The following NHSL1 variants were observed in gnomAD, a reference collection of about 807,000 sequenced individuals.
NHSL1 encodes NHS like 1, also known as NHS-like protein 1.
NHSL1 carries 48 observed loss-of-function variants against 95.0 expected under a neutral mutation model. The ratio of observed to expected loss-of-function variants is 0.51; its 90% confidence interval spans 0.40 to 0.64. NHSL1 has a LOEUF of 0.64. Ranked by LOEUF, NHSL1 falls within the 30% of genes least tolerant of loss-of-function variation. The pLI, the probability that NHSL1 is intolerant of heterozygous loss-of-function variation, is 0.00. For synonymous variants in NHSL1, 783 were observed against 833.9 expected (o/e 0.94, Z 1.05); for missense variants, 1,971 against 2,077.7 (o/e 0.95, Z 1.00).
At chr6:138,581,878 G>C in intron 1 of NHSL1, among the ~76,000 whole-genome samples, 1 of 148,178 alleles carries the variant, frequency 6.7e-6, no homozygotes, top group East Asian at 2.0e-4. Context: ...ATTAGATTTT[G>C]AGGTTCTACT....
chr6:138,685,819 C>T (rs1381526975), intron 1 of NHSL1, among the ~76,000 whole-genome samples: 1 of 152,028 alleles, frequency 6.6e-6, no homozygotes, highest in Non-Finnish European at 1.5e-5. Context: ...GTTGTACTTA[C>T]AAATTCATCT....
rs71009589 is a variant in NHSL1 at position 138,478,012 on chromosome 6, C to CTTTTTTTTT, written c.212-4588_212-4580dup. ...TTTTTTCACCATGAAATTTATGTCA[C>CTTTTTTTTT]TTTTTTTTTTTTTTTTTTTTTTTTT... On this transcript the variant is annotated intron_variant, in intron 2 of 7. Transcript: ENST00000343505. Among the ~76,000 whole-genome samples, 100 of 30,016 alleles carry CTTTTTTTTT rather than the reference C, an allele frequency of 3.3e-3. 8 individuals are homozygous for CTTTTTTTTT. The highest frequency in any genetic ancestry group is 4.3e-3 in the Non-Finnish European group (74 of 17,202). 19.7% of individuals were successfully genotyped at this position (30,016 alleles called of 152,430 possible). A position where few individuals can be genotyped will look rare whatever the true frequency, so the allele number is the denominator to read the frequency against.
In NHSL1 at chr6:138,433,701, G is replaced by A. The variant is rs1442203488; in HGVS notation, c.665-21C>T. On this transcript the variant is annotated intron_variant, in intron 5 of 7. Transcript: ENST00000343505. ...TGATGCTGGAGATAAAGCAGAAAGAGGCTTGTTACCTGAAAATAAAATCCA... is the reference window on the plus strand; with the variant it reads ...TGATGCTGGAGATAAAGCAGAAAGAAGCTTGTTACCTGAAAATAAAATCCA... 6 of 1,494,354 alleles carry A rather than the reference G, an allele frequency of 4.0e-6. No homozygotes were observed. In the African/African-American group the frequency reaches 8.4e-5, roughly 21 times the overall value. 92.6% of individuals were successfully genotyped at this position (1,494,354 alleles called of 1,614,324 possible).
At chr6:138,446,935 A>G (rs899772909) in intron 4 of NHSL1, 66 bp downstream of exon 4, 2 of 1,439,942 alleles carry the variant, frequency 1.4e-6, no homozygotes, top group African/African-American at 2.8e-5. Context: ...TGCTAACAGC[A>G]TAAAACAAAA....
chr6:138,497,645 A>T (rs1780435242), intron 1 of NHSL1, among the ~76,000 whole-genome samples: 1 of 152,222 alleles, frequency 6.6e-6, no homozygotes, highest in Admixed American at 6.5e-5. Context: ...AATATACATA[A>T]AGTACTTAGC....
intron 1 of NHSL1, among the ~76,000 whole-genome samples, chr6:138,568,125 T>C (rs1783688454): frequency 6.6e-6 from 1 of 152,240 alleles, no homozygotes; most frequent in Non-Finnish European, 1.5e-5. Flanking sequence ...TCATTAAATC[T>C]TGTTCAGTTA....
intron 4 of NHSL1, among the ~76,000 whole-genome samples, chr6:138,443,048 T>C (rs931842805): frequency 9.6e-5 from 14 of 146,504 alleles, no homozygotes; most frequent in African/African-American, 3.0e-4. Flanking sequence ...TATATATACA[T>C]ATATACACAC....
intron 7 of NHSL1, among the ~76,000 whole-genome samples, chr6:138,428,530 G>A (rs899953690): frequency 6.6e-6 from 1 of 152,146 alleles, no homozygotes; most frequent in Non-Finnish European, 1.5e-5. Flanking sequence ...CAGTCTTTAG[G>A]ATCTATTATA....
chr6:138,553,553 T>C (rs1583402189), intron 1 of NHSL1, among the ~76,000 whole-genome samples: 1 of 152,246 alleles, frequency 6.6e-6, no homozygotes, highest in Non-Finnish European at 1.5e-5. Context: ...TGCACAGATA[T>C]GTAAAGCAGA....
intron 1 of NHSL1, among the ~76,000 whole-genome samples, chr6:138,628,798 C>T (rs1333178711): frequency 6.6e-6 from 1 of 152,140 alleles, no homozygotes; most frequent in Non-Finnish European, 1.5e-5. Flanking sequence ...TAACCACTAA[C>T]CAAGACTAAA....
chr6:138,557,745 C>G (rs960199378), intron 1 of NHSL1, among the ~76,000 whole-genome samples: 1 of 152,134 alleles, frequency 6.6e-6, no homozygotes, highest in Admixed American at 6.5e-5. Flanking sequence ...GATTCAAATC[C>G]AGTCTATACC....
intron 1 of NHSL1, among the ~76,000 whole-genome samples, chr6:138,600,913 G>C (rs1412751633): frequency 1.3e-5 from 2 of 152,148 alleles, no homozygotes; most frequent in African/African-American, 4.8e-5. Context: ...CTGTGTGTCA[G>C]AATACAATAA....
chr6:138,561,031 G>C (rs778256622), intron 1 of NHSL1, among the ~76,000 whole-genome samples: 2 of 152,076 alleles, frequency 1.3e-5, no homozygotes, highest in African/African-American at 4.8e-5. Flanking sequence ...GTTTTCCTTC[G>C]AGAAAGCCAA....
At chr6:138,466,097 T>C (rs1778362275) in intron 3 of NHSL1, among the ~76,000 whole-genome samples, 1 of 141,736 alleles carries the variant, frequency 7.1e-6, no homozygotes, top group South Asian at 2.3e-4. Context: ...TGGAGTGCAG[T>C]GGTGCGATCT....
At chr6:138,558,701 G>C (rs1009228627) in intron 1 of NHSL1, among the ~76,000 whole-genome samples, 1 of 152,072 alleles carries the variant, frequency 6.6e-6, no homozygotes, top group Non-Finnish European at 1.5e-5. Context: ...TTACAGGCAC[G>C]AGCTACAGTG....
At chr6:138,482,718 C>T (rs965334131) in intron 2 of NHSL1, among the ~76,000 whole-genome samples, 2 of 152,084 alleles carry the variant, frequency 1.3e-5, no homozygotes, top group African/African-American at 4.8e-5. Context: ...TTGCCACCAA[C>T]GAGAGAGAAG....
At chr6:138,505,244 T>C (rs1280511710) in intron 1 of NHSL1, among the ~76,000 whole-genome samples, 3 of 152,266 alleles carry the variant, frequency 2.0e-5, no homozygotes, top group East Asian at 1.9e-4. Flanking sequence ...TTAAACAATA[T>C]TGACTAAAAA....
intron 1 of NHSL1, among the ~76,000 whole-genome samples, chr6:138,640,737 T>A (rs1784949159): frequency 6.6e-6 from 1 of 152,168 alleles, no homozygotes; most frequent in South Asian, 2.1e-4. Flanking sequence ...AAAGTCAAAG[T>A]TATACAAAGA....
At chr6:138,528,665 T>C (rs1782010718) in intron 1 of NHSL1, among the ~76,000 whole-genome samples, 1 of 152,250 alleles carries the variant, frequency 6.6e-6, no homozygotes, top group Non-Finnish European at 1.5e-5. Context: ...AATTGTTCTC[T>C]ATTTTGATAC....
Sources: gnomAD v4.1 joint callset for allele counts (sites outside exome capture counted in the v4.1 genomes callset) on GRCh38, gnomAD v4.1.1 for gene constraint, MANE v1.5 for transcripts, NCBI Gene and HGNC (gene_info 2026-07-23, HGNC 2026-07-21) for gene names.